Variants in ACADM observed in about 807,000 individuals in gnomAD.
ACADM encodes acyl-CoA dehydrogenase medium chain.
A neutral mutation model predicts 58.9 loss-of-function variants in ACADM; 49 were observed. The observed-to-expected ratio is 0.83, with a 90% CI of 0.66 to 1.06. The LOEUF (loss-of-function observed/expected upper bound fraction) is 1.06, where lower values mean the gene tolerates loss of function less well. Among genes scored for constraint, ACADM ranks in the 50% least tolerant of loss-of-function variants. The probability of loss-of-function intolerance (pLI) is 0.00; values close to 1 mark genes in which losing one functional copy is unlikely to be tolerated. For missense variants in ACADM, 496 were observed against 507.0 expected (o/e 0.98, Z 0.21); for synonymous variants, 160 against 157.7 (o/e 1.01, Z -0.11).
chr1:75,761,266 A>T lies in ACADM; in HGVS notation c.1090A>T (p.Ile364Phe), dbSNP rs758973773. The change falls in exon 11 of 12, where the codon ATT becomes TTT. Residue 364 changes from isoleucine to phenylalanine, a missense_variant. Coordinates refer to ENST00000370841, the MANE Select transcript of ACADM (RefSeq NM_000016.6). ...TATTGCAAAGGCATTTGCTGGAGAT[A>T]TTGCAAATCAGTTAGCTACTGATGC... ...ASIAKAFAGD[I>F]ANQLATDAVQ... 2 of 1,614,032 alleles carry T rather than the reference A, an allele frequency of 1.2e-6. No individual in the cohort carries two copies. Among genetic ancestry groups the T allele is most frequent in the South Asian group, 1.1e-5 (1 of 91,090 alleles).
In ACADM at chr1:75,733,816, C is replaced by T. The variant is rs183044806; in HGVS notation, c.387+188C>T. Among the ~76,000 whole-genome samples the T allele has an allele frequency of 2.1e-3, 317 of 152,262 alleles. 2 individuals carry two copies. Among genetic ancestry groups the T allele is most frequent in the African/African-American group, 7.0e-3 (292 of 41,542 alleles). Reference sequence around the variant, plus strand: ...GCAGTGAAGCCTGGAGTTCTGATTTCGAGGCTTGATAACTCTGGCCTTGTC... The same window carrying T: ...GCAGTGAAGCCTGGAGTTCTGATTTTGAGGCTTGATAACTCTGGCCTTGTC... On this transcript the variant is annotated intron_variant, in intron 5 of 11. Coordinates refer to ENST00000370841, the MANE Select transcript of ACADM (RefSeq NM_000016.6).
At chr1:75,732,619 A>G (rs1379213974) in intron 2 of ACADM, 25 bp from the exon 3 acceptor site, 9 of 1,567,286 alleles carry the variant, frequency 5.7e-6, no homozygotes, top group Non-Finnish European at 7.9e-6. Flanking sequence ...TCCAGTTTTA[A>G]CTTTTCTAAA....
At chr1:75,739,861 T>G in intron 6 of ACADM, 119 bp from the exon 7 acceptor site, 1 of 719,604 alleles carries the variant, frequency 1.4e-6, no homozygotes, top group South Asian at 2.4e-5. Context: ...AACATTTTAA[T>G]TTTAGATATT....
intron 10 of ACADM, among the ~76,000 whole-genome samples, chr1:75,756,185 C>A (rs148757016): frequency 0.011 from 1,715 of 152,276 alleles, 35 homozygotes; most frequent in African/African-American, 0.038. Context: ...CACCACTCCT[C>A]TTCAACATAG....
At chr1:75,751,254 G>A (rs1025391079) in intron 10 of ACADM, among the ~76,000 whole-genome samples, 8 of 151,230 alleles carry the variant, frequency 5.3e-5, no homozygotes, top group Non-Finnish European at 1.0e-4. Flanking sequence ...GCAGGAGGAT[G>A]GCGTGAACCC....
intron 6 of ACADM, among the ~76,000 whole-genome samples, chr1:75,737,298 A>ATG (rs1647316383): frequency 4.5e-5 from 4 of 87,976 alleles, no homozygotes; most frequent in African/African-American, 1.4e-4. Flanking sequence ...ATATATATAT[A>ATG]TATATATATA....
intron 10 of ACADM, among the ~76,000 whole-genome samples, chr1:75,759,656 C>CTTT (rs34394777): frequency 0.011 from 937 of 87,426 alleles, 15 homozygotes; most frequent in African/African-American, 0.022. Context: ...TAGCAACTTT[C>CTTT]TTTTTTTTTT....
chr1:75,731,229 A>C (rs561396251), intron 2 of ACADM, among the ~76,000 whole-genome samples: 1 of 131,740 alleles, frequency 7.6e-6, no homozygotes, highest in South Asian at 2.7e-4. Flanking sequence ...CAGTGAGCCT[A>C]GATTGCGCCA....
intron 8 of ACADM, 59 bp downstream of exon 8, chr1:75,745,973 T>A: frequency 8.5e-7 from 1 of 1,179,260 alleles, no homozygotes. Context: ...AATTGCAAAA[T>A]TACTTAACTT....
intron 7 of ACADM, 64 bp downstream of exon 7, chr1:75,740,174 C>A: frequency 6.7e-7 from 1 of 1,491,444 alleles, no homozygotes; most frequent in Non-Finnish European, 9.3e-7. Context: ...ATCTCTCTTT[C>A]TTTCTGTATA....
At chr1:75,756,955 G>A (rs12126481) in intron 10 of ACADM, among the ~76,000 whole-genome samples, 36,794 of 152,028 alleles carry the variant, frequency 0.24, 4,853 homozygotes, top group Non-Finnish European at 0.3. Flanking sequence ...CACAAGAAAT[G>A]GGGGAAGGAT....
chr1:75,737,666 C>T (rs1217282502), intron 6 of ACADM, among the ~76,000 whole-genome samples: 3 of 152,202 alleles, frequency 2.0e-5, no homozygotes, highest in South Asian at 2.1e-4. Flanking sequence ...AAAAGACCAT[C>T]TGGCTGACAT....
At chr1:75,743,377 C>T (rs1213436192) in intron 7 of ACADM, 1 of 1,590,622 alleles carries the variant, frequency 6.3e-7, no homozygotes, top group Non-Finnish European at 8.6e-7. Flanking sequence ...GACTGGTTTT[C>T]AGTTCCTGCA....
At chr1:75,756,616 C>T (rs1294005217) in intron 10 of ACADM, among the ~76,000 whole-genome samples, 10 of 152,142 alleles carry the variant, frequency 6.6e-5, no homozygotes, top group South Asian at 2.1e-4. Flanking sequence ...GAATCAATAT[C>T]GTGAAAATGG....
chr1:75,757,254 C>G (rs1186992906), intron 10 of ACADM, among the ~76,000 whole-genome samples: 1 of 152,186 alleles, frequency 6.6e-6, no homozygotes, highest in Non-Finnish European at 1.5e-5. Flanking sequence ...AAGAAACTAC[C>G]ATCAGAGTGA....
chr1:75,758,223 T>C (rs986985448), intron 10 of ACADM, among the ~76,000 whole-genome samples: 5 of 151,920 alleles, frequency 3.3e-5, no homozygotes, highest in African/African-American at 4.8e-5. Flanking sequence ...CCACCATGCC[T>C]GGCCTTTTTT....
Position 75,735,228 on chromosome 1 carries a change from A to T in ACADM, c.468+357A>T, listed in dbSNP as rs535055415. Reference sequence around the variant, plus strand: ...CTGCTCAGGAGGCTGAGGCATAAGAATCGCTTGAACCCGAAAAGTGGAAGA... The same window carrying T: ...CTGCTCAGGAGGCTGAGGCATAAGATTCGCTTGAACCCGAAAAGTGGAAGA... On this transcript the variant is annotated intron_variant, in intron 6 of 11. Transcript: ENST00000370841. 2.1e-3 allele frequency among the ~76,000 whole-genome samples: 312 copies of T among 151,126 alleles called. 2 individuals carry two copies. Among genetic ancestry groups the T allele is most frequent in the Non-Finnish European group, 3.6e-3 (244 of 67,936 alleles).
intron 10 of ACADM, among the ~76,000 whole-genome samples, chr1:75,754,209 G>GTTT (rs201392684): frequency 1.7e-5 from 2 of 114,976 alleles, no homozygotes; most frequent in Admixed American, 8.7e-5. Flanking sequence ...TCAGTTTTTT[G>GTTT]TTTTTTTTTT....
chr1:75,737,318 A>G (rs112241164), intron 6 of ACADM, among the ~76,000 whole-genome samples: 8 of 122,594 alleles, frequency 6.5e-5, no homozygotes, highest in African/African-American at 2.4e-4. Flanking sequence ...ATATATATAT[A>G]TATATATATG....
Sources: allele counts gnomAD v4.1 joint callset (sites outside exome capture counted in the v4.1 genomes callset), GRCh38; gene constraint gnomAD v4.1.1; transcripts MANE v1.5; gene names NCBI Gene and HGNC (gene_info 2026-07-23, HGNC 2026-07-21).